The following CCDC93 variants were observed in gnomAD, a reference collection of about 807,000 sequenced individuals.
The protein encoded by CCDC93 is CCC complex scaffolding subunit CCDC93, also known as coiled-coil domain-containing protein 93.
Under a neutral mutation model 108.2 loss-of-function variants are expected in CCDC93, and 61 were observed. The observed-to-expected ratio is 0.56, with a 90% CI of 0.46 to 0.70. CCDC93 has a LOEUF of 0.70. Ranked by LOEUF, CCDC93 falls within the 30% of genes least tolerant of loss-of-function variation. CCDC93 has a pLI of 0.00. For missense variants in CCDC93, 685 were observed against 764.2 expected, an observed-to-expected ratio of 0.90 and a Z score of 1.22; for synonymous variants, 276 against 260.4, an observed-to-expected ratio of 1.06 and a Z score of -0.58.
At chr2:117,957,814 T>A (rs1392163747) in intron 12 of CCDC93, among the ~76,000 whole-genome samples, 1 of 152,148 alleles carries the variant, frequency 6.6e-6, no homozygotes, top group Non-Finnish European at 1.5e-5. Flanking sequence ...GTCTCAGAAC[T>A]CTGTGACCTG....
intron 1 of CCDC93, among the ~76,000 whole-genome samples, chr2:118,012,036 T>C (rs114366320): frequency 2.0e-3 from 306 of 152,258 alleles, no homozygotes; most frequent in African/African-American, 7.1e-3. Flanking sequence ...CAAAGCCCAA[T>C]AAACTTTCAA....
intron 16 of CCDC93, among the ~76,000 whole-genome samples, chr2:117,946,166 T>C (rs1191849390): frequency 6.6e-6 from 1 of 152,096 alleles, no homozygotes; most frequent in Non-Finnish European, 1.5e-5. Flanking sequence ...CACTGTCCAG[T>C]GCAGAGTTCT....
chr2:117,956,692 A>G (rs1014969249), intron 12 of CCDC93, among the ~76,000 whole-genome samples: 2 of 152,200 alleles, frequency 1.3e-5, no homozygotes, highest in Admixed American at 1.3e-4. Context: ...AAACCAAATC[A>G]TAGGCTATCT....
chr2:118,000,945 AG>A lies in CCDC93; in HGVS notation c.252-14del, dbSNP rs1322482896. On this transcript the variant is annotated splice_polypyrimidine_tract_variant and intron_variant, in intron 3 of 23. Transcript: ENST00000376300. ...TTCTGACAGAGCTCTGTTCAGAAAA[AG>A]TAACAAGCAAAGAGTGAGGCATACT... The A allele has an allele frequency of 1.9e-6, 3 of 1,542,164 alleles. No individual in the cohort carries two copies. Among genetic ancestry groups the A allele is most frequent in the Admixed American group, 3.3e-5 (2 of 59,868 alleles).
At chr2:117,955,701 G>A (rs1339067808) in intron 12 of CCDC93, among the ~76,000 whole-genome samples, 1 of 152,082 alleles carries the variant, frequency 6.6e-6, no homozygotes, top group Admixed American at 6.5e-5. Flanking sequence ...TGTGTGAACT[G>A]AATGAGTTAA....
At chr2:118,008,516 G>A (rs1676937647) in intron 2 of CCDC93, 29 bp downstream of exon 2, 2 of 1,227,736 alleles carry the variant, frequency 1.6e-6, no homozygotes, top group Admixed American at 1.9e-5. Context: ...ACAAAAGATA[G>A]TGTAATGGTT....
At chr2:117,933,304 T>A (rs959563181) in intron 22 of CCDC93, among the ~76,000 whole-genome samples, 3 of 151,074 alleles carry the variant, frequency 2.0e-5, no homozygotes, top group African/African-American at 7.3e-5. Flanking sequence ...GAATGCCAAC[T>A]CACTATGAGA....
chr2:117,925,500 C>T (rs917316852), intron 23 of CCDC93, among the ~76,000 whole-genome samples: 6 of 151,960 alleles, frequency 3.9e-5, no homozygotes, highest in Non-Finnish European at 7.4e-5. Flanking sequence ...GACTTTAAAC[C>T]GACAAAGATC....
intron 23 of CCDC93, among the ~76,000 whole-genome samples, chr2:117,925,117 G>A (rs1393204186): frequency 6.6e-6 from 1 of 152,106 alleles, no homozygotes; most frequent in East Asian, 1.9e-4. Flanking sequence ...AGCTCCTGAA[G>A]GAAGCACTAA....
intron 3 of CCDC93, 62 bp from the exon 4 acceptor site, chr2:118,000,994 A>G (rs1680832978): frequency 1.0e-5 from 10 of 994,786 alleles, no homozygotes; most frequent in South Asian, 3.9e-5. Context: ...TGGCATCTCT[A>G]AAGTCTGGGC....
intron 3 of CCDC93, among the ~76,000 whole-genome samples, chr2:118,001,491 T>TAC (rs1311989188): frequency 6.6e-6 from 1 of 151,856 alleles, no homozygotes; most frequent in Non-Finnish European, 1.5e-5. Context: ...AATTTTTTGA[T>TAC]ACTCTAAAAT....
intron 3 of CCDC93, chr2:118,001,177 TG>T (rs113409649): frequency 5.8e-5 from 23 of 398,744 alleles, no homozygotes; most frequent in Admixed American, 8.3e-5. Context: ...CCTACTTTTT[TG>T]GATGTAAAAT....
At chr2:117,998,046 T>C (rs1315362397) in intron 4 of CCDC93, 1 of 152,226 alleles carries the variant, frequency 6.6e-6, no homozygotes, top group African/African-American at 2.4e-5. Context: ...AGGGAAACTC[T>C]TGGACAGCCT....
chr2:118,008,604 G>A lies in CCDC93; in HGVS notation c.97C>T (p.Leu33Phe). The stretch of plus-strand genomic sequence containing the variant: ...CTGAAATACCCAGCTGCAACCAAGA[G>A]CTCCAGAATTTCAGTCAACTTGACA... ...QNVKLTEILE[L>F]LVAAGYFRAR... Residue 33 changes from leucine to phenylalanine, a missense_variant, in exon 2 of 24, where the codon CTC (leucine) becomes TTC (phenylalanine). Transcript: ENST00000376300. 1.9e-6 allele frequency: 3 copies of A among 1,613,770 alleles called. No homozygotes were observed. Among genetic ancestry groups the A allele is most frequent in the Non-Finnish European group, 2.5e-6 (3 of 1,179,706 alleles).
intron 19 of CCDC93, among the ~76,000 whole-genome samples, chr2:117,940,123 C>A (rs1678651282): frequency 6.6e-6 from 1 of 152,156 alleles, no homozygotes; most frequent in South Asian, 2.1e-4. Flanking sequence ...TACTAAGACA[C>A]AGAATTGGCG....
At chr2:117,986,139 T>G in intron 6 of CCDC93, 70 bp from the exon 7 acceptor site, 1 of 685,958 alleles carries the variant, frequency 1.5e-6, no homozygotes, top group Non-Finnish European at 2.6e-6. Flanking sequence ...GCTGGATGCC[T>G]CCAGCCATGG....
intron 2 of CCDC93, among the ~76,000 whole-genome samples, chr2:118,007,365 T>C (rs1019299930): frequency 8.5e-5 from 13 of 152,212 alleles, no homozygotes; most frequent in African/African-American, 3.1e-4. Flanking sequence ...AGACACAGCT[T>C]GATATTAGAA....
intron 19 of CCDC93, among the ~76,000 whole-genome samples, chr2:117,940,735 T>G (rs1451577527): frequency 6.6e-6 from 1 of 152,162 alleles, no homozygotes; most frequent in Non-Finnish European, 1.5e-5. Context: ...TCATGAGACA[T>G]GATCTCTTAT....
At chr2:117,972,315 C>A (rs191073947) in intron 11 of CCDC93, among the ~76,000 whole-genome samples, 2 of 152,172 alleles carry the variant, frequency 1.3e-5, no homozygotes, top group Non-Finnish European at 2.9e-5. Flanking sequence ...TGGTCCAAGA[C>A]AGATAAACCA....
Sources: allele counts gnomAD v4.1 joint callset (sites outside exome capture counted in the v4.1 genomes callset), GRCh38; gene constraint gnomAD v4.1.1; transcripts MANE v1.5; gene names NCBI Gene and HGNC (gene_info 2026-07-23, HGNC 2026-07-21).